The following ATP13A4 variants were observed in gnomAD, a reference collection of about 807,000 sequenced individuals.
ATP13A4 encodes the protein ATPase 13A4.
A neutral mutation model predicts 142.5 loss-of-function variants in ATP13A4; 114 were observed. The observed-to-expected ratio is 0.80, with a 90% confidence interval of 0.69 to 0.93. The LOEUF (loss-of-function observed/expected upper bound fraction) is 0.93, where lower values mean the gene tolerates loss of function less well. ATP13A4 is among the 40% of genes least tolerant of loss of function. The pLI is 0.00. For synonymous variants in ATP13A4, 488 were observed against 514.8 expected (o/e 0.95, Z 0.70); for missense variants, 1,392 against 1,454.0 (o/e 0.96, Z 0.69).
chr3:193,546,879 G>C (rs1448198651), intron 1 of ATP13A4, among the ~76,000 whole-genome samples: 1 of 152,192 alleles, frequency 6.6e-6, no homozygotes, highest in African/African-American at 2.4e-5. Context: ...GGGTTGCTGA[G>C]AGGATTAAAT....
intron 12 of ATP13A4, among the ~76,000 whole-genome samples, chr3:193,464,311 G>A (rs1482990837): frequency 6.6e-6 from 1 of 152,246 alleles, no homozygotes; most frequent in African/African-American, 2.4e-5. Flanking sequence ...GCCCTGAAAG[G>A]CATTTCCATC....
chr3:193,503,085 C>T (rs1263857861), intron 2 of ATP13A4, among the ~76,000 whole-genome samples: 1 of 152,142 alleles, frequency 6.6e-6, no homozygotes, highest in Non-Finnish European at 1.5e-5. Context: ...TGTTAAGTGT[C>T]CCTCTCTTGT....
chr3:193,549,628 C>T (rs185105056), intron 1 of ATP13A4, among the ~76,000 whole-genome samples: 2 of 152,184 alleles, frequency 1.3e-5, no homozygotes, highest in Admixed American at 6.5e-5. Context: ...CCAGGAGTTT[C>T]AGACCAGCCT....
chr3:193,471,674 T>TCACACACA (rs3052495), intron 8 of ATP13A4, among the ~76,000 whole-genome samples: 21 of 150,642 alleles, frequency 1.4e-4, no homozygotes, highest in South Asian at 6.3e-4. Flanking sequence ...TATTGTCACT[T>TCACACACA]CACACACACA....
intron 16 of ATP13A4, among the ~76,000 whole-genome samples, chr3:193,454,893 C>A (rs754825627): frequency 6.6e-6 from 1 of 152,104 alleles, no homozygotes; most frequent in African/African-American, 2.4e-5. Context: ...AGCTTCTGCA[C>A]AGCAAAAGAA....
intron 3 of ATP13A4, among the ~76,000 whole-genome samples, chr3:193,499,489 C>T (rs141449493): frequency 1.1e-3 from 171 of 152,300 alleles, no homozygotes; most frequent in African/African-American, 3.9e-3. Context: ...TTTCCATCAT[C>T]CTGTGGTAGG....
At chr3:193,494,094 G>A (rs973547407) in intron 3 of ATP13A4, among the ~76,000 whole-genome samples, 1 of 152,022 alleles carries the variant, frequency 6.6e-6, no homozygotes. Flanking sequence ...ACACTCATGT[G>A]TATGCACCCA....
chr3:193,525,031 G>A (rs776323029), intron 1 of ATP13A4, among the ~76,000 whole-genome samples: 1 of 152,166 alleles, frequency 6.6e-6, no homozygotes, highest in Non-Finnish European at 1.5e-5. Flanking sequence ...AGCTTCAAAA[G>A]AGCAGAACAG....
chr3:193,423,695 T>C (rs1715510187), intron 25 of ATP13A4, among the ~76,000 whole-genome samples: 1 of 149,944 alleles, frequency 6.7e-6, no homozygotes, highest in Non-Finnish European at 1.5e-5. Context: ...ATAAAGGTCA[T>C]GTATGACAAA....
intron 9 of ATP13A4, among the ~76,000 whole-genome samples, chr3:193,469,444 C>T (rs775381147): frequency 1.3e-5 from 2 of 151,940 alleles, no homozygotes; most frequent in Admixed American, 6.6e-5. Flanking sequence ...TGGCCAACAT[C>T]GTGAAACGCC....
intron 12 of ATP13A4, among the ~76,000 whole-genome samples, chr3:193,463,982 G>C (rs954158199): frequency 1.2e-4 from 19 of 152,186 alleles, no homozygotes; most frequent in African/African-American, 4.6e-4. Context: ...TTCTCAAAAT[G>C]AATAGTAGTG....
chr3:193,491,335 G>C lies in ATP13A4; in HGVS notation c.597C>G (p.Ile199Met), dbSNP rs1719931193. The C allele has an allele frequency of 6.3e-7, 1 of 1,597,156 alleles. No individual in the cohort carries two copies. The highest frequency in any genetic ancestry group is 8.6e-7 in the Non-Finnish European group (1 of 1,165,080). Residue 199 changes from isoleucine to methionine, a missense_variant, in exon 6 of 30, where the codon ATC (isoleucine) becomes ATG (methionine). Transcript: ENST00000342695. ...AAAATGCTGGAGAAATTACCTCCTT[G>C]ATGAGCAGTTTCCAAATTGGTGTAA... ...VEVTPIWKLL[I>M]KEVLNPFYIF...
At chr3:193,438,888 TGC>T in intron 22 of ATP13A4, 133 bp downstream of exon 22, 1 of 969,240 alleles carries the variant, frequency 1.0e-6, no homozygotes, top group Non-Finnish European at 1.7e-6. Flanking sequence ...ATGGTATATA[TGC>T]CAGGAGTATA....
In ATP13A4 at chr3:193,498,170, ACACTGTACCC is replaced by A. The variant is rs149069146; in HGVS notation, c.381+4313_381+4322del. Among the ~76,000 whole-genome samples, 343 of 152,288 alleles carry A rather than the reference ACACTGTACCC, an allele frequency of 2.3e-3. 3 individuals are homozygous for A. Among genetic ancestry groups the A allele is most frequent in the African/African-American group, 7.3e-3 (305 of 41,560 alleles). On this transcript the variant is annotated intron_variant, in intron 3 of 29. Transcript: ENST00000342695. ...TAATGTATACATGTATCAAAATATCACACTGTACCCCATAAATATGTACAATTATTATTTG... is the reference window on the plus strand; with the variant it reads ...TAATGTATACATGTATCAAAATATCACATAAATATGTACAATTATTATTTG...
intron 1 of ATP13A4, among the ~76,000 whole-genome samples, chr3:193,535,553 A>T (rs1421875971): frequency 6.6e-6 from 1 of 152,196 alleles, no homozygotes; most frequent in Non-Finnish European, 1.5e-5. Context: ...TGAAACTGAA[A>T]TTTTTAGCAC....
intron 1 of ATP13A4, among the ~76,000 whole-genome samples, chr3:193,586,015 T>C (rs1724659489): frequency 6.6e-6 from 1 of 152,110 alleles, no homozygotes; most frequent in African/African-American, 2.4e-5. Flanking sequence ...CGATGACTAA[T>C]AACATTGAGC....
At chr3:193,523,750 G>A (rs1475662739) in intron 1 of ATP13A4, among the ~76,000 whole-genome samples, 1 of 152,100 alleles carries the variant, frequency 6.6e-6, no homozygotes, top group African/African-American at 2.4e-5. Context: ...GTTTGGATGT[G>A]GTTTGTCCCC....
At chr3:193,430,907 G>A (rs1361769937) in intron 25 of ATP13A4, among the ~76,000 whole-genome samples, 1 of 152,040 alleles carries the variant, frequency 6.6e-6, no homozygotes, top group East Asian at 1.9e-4. Flanking sequence ...AATGAGGAGA[G>A]GGCAGCAACA....
Position 193,414,627 on chromosome 3 carries a change from C to A in ATP13A4, c.2966G>T (p.Gly989Val). 1 of 1,614,074 alleles carries A rather than the reference C, an allele frequency of 6.2e-7. No homozygotes were observed. The highest frequency in any genetic ancestry group is 1.1e-5 in the South Asian group (1 of 91,074). ...ILLSLAMHIAGFILVQRQPWY... is the reference protein window; with the variant it reads ...ILLSLAMHIAVFILVQRQPWY... Reference sequence around the variant, plus strand: ...AGGCTGCCTCTGAACCAGGATGAAGCCTGCAATATGCATGGCCAGGCTGAG... The same window carrying A: ...AGGCTGCCTCTGAACCAGGATGAAGACTGCAATATGCATGGCCAGGCTGAG... Residue 989 changes from glycine (G) to valine (V), a missense_variant, in exon 26 of 30, where the codon GGC becomes GTC. Gly to Val is a moderately radical substitution (Grantham distance 109). Transcript: ENST00000342695.
Sources: gnomAD v4.1 joint callset for allele counts (sites outside exome capture counted in the v4.1 genomes callset) on GRCh38, gnomAD v4.1.1 for gene constraint, MANE v1.5 for transcripts, NCBI Gene and HGNC (gene_info 2026-07-23, HGNC 2026-07-21) for gene names.